GRIK3: variants seen among roughly 807,000 people sequenced by gnomAD.
GRIK3 encodes the protein glutamate receptor ionotropic, kainate 3.
In GRIK3, 29 loss-of-function variants were observed where a neutral mutation model predicts 102.5. That is an observed-to-expected ratio of 0.28 (90% CI 0.21 to 0.39). The LOEUF (loss-of-function observed/expected upper bound fraction) is 0.39, where lower values mean the gene tolerates loss of function less well. Among genes scored for constraint, GRIK3 ranks in the 10% least tolerant of loss-of-function variants. The pLI, the probability that GRIK3 is intolerant of heterozygous loss-of-function variation, is 1.00. For missense variants in GRIK3, 908 were observed against 1,252.4 expected, an observed-to-expected ratio of 0.73 and a Z score of 4.15; for synonymous variants, 511 against 504.9, an observed-to-expected ratio of 1.01 and a Z score of -0.16.
intron 2 of GRIK3, among the ~76,000 whole-genome samples, chr1:36,884,876 C>T (rs777692863): frequency 3.3e-5 from 5 of 152,212 alleles, no homozygotes; most frequent in Non-Finnish European, 7.4e-5. Context: ...GCTACCATTA[C>T]ACGGCCTGGC....
intron 8 of GRIK3, among the ~76,000 whole-genome samples, chr1:36,851,831 G>T (rs1039497407): frequency 6.6e-6 from 1 of 152,222 alleles, no homozygotes; most frequent in Non-Finnish European, 1.5e-5. Flanking sequence ...GATGTTGCAG[G>T]TGGGATCAGG....
chr1:36,847,578 T>C (rs1309893077), intron 9 of GRIK3, among the ~76,000 whole-genome samples: 5 of 152,178 alleles, frequency 3.3e-5, no homozygotes, highest in Non-Finnish European at 7.4e-5. Flanking sequence ...GGGGACTGGA[T>C]TTGTAATCAA....
chr1:36,806,405 G>A lies in GRIK3; in HGVS notation c.2092-79C>T, dbSNP rs905452899. 5 of 818,378 alleles carry A rather than the reference G, an allele frequency of 6.1e-6. No individual in the cohort carries two copies. Among genetic ancestry groups the A allele is most frequent in the Middle Eastern group, 2.3e-4 (1 of 4,344 alleles). The allele number at this position is 818,378 out of a possible 1,614,324, so 50.7% of individuals were successfully genotyped here. Reference sequence around the variant, plus strand: ...CCAAGCACCGCATACCCTGCACAACGTGGGTTGGGGCCTTGAACTCGGTCT... The same window carrying A: ...CCAAGCACCGCATACCCTGCACAACATGGGTTGGGGCCTTGAACTCGGTCT... On this transcript the variant is annotated intron_variant, in intron 13 of 15. Transcript: ENST00000373091. This position sits in a 1 kb window ranked among gnomAD's most constrained non-coding sequence, Gnocchi z 4.0.
chr1:36,886,975 C>A (rs1557714260), intron 2 of GRIK3, among the ~76,000 whole-genome samples: 1 of 152,140 alleles, frequency 6.6e-6, no homozygotes, highest in Non-Finnish European at 1.5e-5. Flanking sequence ...ATAATTATAT[C>A]CGAATCTATC....
chr1:36,899,605 G>A (rs1458604744), intron 1 of GRIK3, among the ~76,000 whole-genome samples: 2 of 152,108 alleles, frequency 1.3e-5, no homozygotes, highest in Non-Finnish European at 2.9e-5. Context: ...GAGATGAGTG[G>A]TGCTGATGGT....
intron 10 of GRIK3, among the ~76,000 whole-genome samples, chr1:36,830,410 T>A (rs1640248362): frequency 6.6e-6 from 1 of 150,702 alleles, no homozygotes; most frequent in East Asian, 2.0e-4. Flanking sequence ...CCTATGAGTA[T>A]GATCTTATTT....
chr1:36,967,470 C>T (rs1642092878), intron 1 of GRIK3, among the ~76,000 whole-genome samples: 2 of 152,224 alleles, frequency 1.3e-5, no homozygotes, highest in South Asian at 4.1e-4. Flanking sequence ...GGGAGCAAGA[C>T]TCATGGGTCA....
chr1:36,841,793 G>A lies in GRIK3; in HGVS notation c.1473C>T (p.Tyr491=), dbSNP rs149891912. 2,337 of 1,614,088 alleles carry A rather than the reference G, an allele frequency of 1.4e-3. 4 individuals are homozygous for A. Among genetic ancestry groups the A allele is most frequent in the Non-Finnish European group, 1.5e-3 (1,712 of 1,179,982 alleles). The change falls in exon 10 of 16, where the codon TAC becomes TAT. Residue 491 remains tyrosine, a synonymous_variant. Coordinates refer to ENST00000373091, the MANE Select transcript of GRIK3 (RefSeq NM_000831.4). The part of the protein sequence containing the change: ...YEIRLVEDGK[Y]GAQDDKGQWN... ...ACTGGCCCTTGTCATCCTGTGCCCCGTACTTGCCGTCCTCCACCAGCCGGA... is the reference window on the plus strand; with the variant it reads ...ACTGGCCCTTGTCATCCTGTGCCCCATACTTGCCGTCCTCCACCAGCCGGA...
intron 1 of GRIK3, among the ~76,000 whole-genome samples, chr1:37,017,112 C>G (rs998325653): frequency 6.6e-6 from 1 of 151,162 alleles, no homozygotes; most frequent in Non-Finnish European, 1.5e-5. Context: ...CTACTTGGGA[C>G]AGCTGAGGGG....
At chr1:36,803,065 A>G (rs565079699) in intron 15 of GRIK3, among the ~76,000 whole-genome samples, 1 of 152,280 alleles carries the variant, frequency 6.6e-6, no homozygotes, top group East Asian at 1.9e-4. Flanking sequence ...ATAGATAATG[A>G]ACACGTGAAC....
intron 9 of GRIK3, among the ~76,000 whole-genome samples, chr1:36,842,930 C>T (rs770816669): frequency 3.4e-4 from 52 of 152,126 alleles, no homozygotes; most frequent in Non-Finnish European, 1.0e-4. Context: ...CAGGGGCAGG[C>T]GATCCCCAGG....
At chr1:37,012,656 G>T (rs954792529) in intron 1 of GRIK3, among the ~76,000 whole-genome samples, 1 of 152,208 alleles carries the variant, frequency 6.6e-6, no homozygotes, top group Non-Finnish European at 1.5e-5. Flanking sequence ...GAAAAACGAG[G>T]TGGGTACTGT....
chr1:36,937,359 A>G (rs1002411019), intron 1 of GRIK3, among the ~76,000 whole-genome samples: 1 of 152,196 alleles, frequency 6.6e-6, no homozygotes, highest in Non-Finnish European at 1.5e-5. Context: ...AGAAGGGAGA[A>G]GGCAATCTCT....
intron 2 of GRIK3, among the ~76,000 whole-genome samples, chr1:36,882,490 T>C (rs981265368): frequency 1.3e-5 from 2 of 152,198 alleles, no homozygotes; most frequent in African/African-American, 2.4e-5. Context: ...CCAGAAGCCA[T>C]TCTCTCTTCT....
chr1:36,974,799 C>CAA (rs60896978), intron 1 of GRIK3, among the ~76,000 whole-genome samples: 16,381 of 100,444 alleles, frequency 0.16, 1,748 homozygotes, highest in African/African-American at 0.31. Context: ...GACTCTGTCT[C>CAA]AAAAAAAAAA....
At chr1:36,820,872 T>G (rs997304651) in intron 11 of GRIK3, among the ~76,000 whole-genome samples, 1 of 152,142 alleles carries the variant, frequency 6.6e-6, no homozygotes, top group Non-Finnish European at 1.5e-5. Context: ...GAGTCCTGAT[T>G]ATTGAATTGA....
Position 36,806,035 on chromosome 1 carries a change from G to C in GRIK3, c.2314+69C>G. The C allele has an allele frequency of 2.0e-6, 2 of 984,220 alleles. No homozygotes were observed. The highest frequency in any genetic ancestry group is 3.8e-5 in the Admixed American group (2 of 53,264). 61.0% of individuals were successfully genotyped at this position (984,220 alleles called of 1,614,324 possible). On this transcript the variant is annotated intron_variant, in intron 14 of 15. Transcript: ENST00000373091. The surrounding 1 kb of genome is among the most constrained non-coding windows in gnomAD (Gnocchi z 4.0). ...GAATGAGCTGTGAGACGGAGTGTGAGGGGACGCGGGGGTGGAGCCCTCCCT... is the reference window on the plus strand; with the variant it reads ...GAATGAGCTGTGAGACGGAGTGTGACGGGACGCGGGGGTGGAGCCCTCCCT...
intron 5 of GRIK3, among the ~76,000 whole-genome samples, chr1:36,868,472 G>C (rs1182866067): frequency 6.6e-6 from 1 of 152,204 alleles, no homozygotes; most frequent in Non-Finnish European, 1.5e-5. Context: ...GTGGGCACAG[G>C]GTGCAGAGGG....
intron 1 of GRIK3, among the ~76,000 whole-genome samples, chr1:36,906,265 C>G (rs1405387384): frequency 6.6e-6 from 1 of 152,188 alleles, no homozygotes; most frequent in African/African-American, 2.4e-5. Context: ...CAGTGACAGC[C>G]ATGCTTCAGT....
Sources: allele counts gnomAD v4.1 joint callset (sites outside exome capture counted in the v4.1 genomes callset), GRCh38; gene constraint gnomAD v4.1.1; non-coding constraint Gnocchi (gnomAD v3.1); transcripts MANE v1.5; gene names NCBI Gene and HGNC (gene_info 2026-07-23, HGNC 2026-07-21).